RARS2: variants seen among roughly 807,000 people sequenced by gnomAD.
The protein encoded by RARS2 is arginyl-tRNA synthetase 2, mitochondrial.
Under a neutral mutation model 88.5 loss-of-function variants are expected in RARS2, and 67 were observed. That is an observed-to-expected ratio of 0.76 (90% CI 0.62 to 0.93). The LOEUF is 0.93. RARS2 is among the 40% of genes least tolerant of loss of function. The pLI, the probability that RARS2 is intolerant of heterozygous loss-of-function variation, is 0.00. For synonymous variants in RARS2, 239 were observed against 230.3 expected, an observed-to-expected ratio of 1.04 and a Z score of -0.34; for missense variants, 664 against 684.2, an observed-to-expected ratio of 0.97 and a Z score of 0.33.
intron 5 of RARS2, among the ~76,000 whole-genome samples, chr6:87,554,293 G>A (rs1235267315): frequency 6.6e-6 from 1 of 151,912 alleles, no homozygotes. Flanking sequence ...TTTCTCTCTT[G>A]GTTACCTCTA....
At chr6:87,519,036 T>C in intron 14 of RARS2, 145 bp from the exon 15 acceptor site, 1 of 797,996 alleles carries the variant, frequency 1.3e-6, no homozygotes, top group Admixed American at 2.0e-5. Flanking sequence ...TTTAGGCTAT[T>C]TTACCTTTGA....
intron 3 of RARS2, among the ~76,000 whole-genome samples, chr6:87,563,245 A>G (rs971396410): frequency 1.3e-5 from 2 of 152,212 alleles, no homozygotes; most frequent in African/African-American, 2.4e-5. Flanking sequence ...TTTTTAACCT[A>G]TTAGATGTTC....
intron 5 of RARS2, among the ~76,000 whole-genome samples, chr6:87,555,176 ATTG>A (rs1785486831): frequency 6.6e-6 from 1 of 151,848 alleles, no homozygotes; most frequent in South Asian, 2.1e-4. Flanking sequence ...CAAAAAAGTA[ATTG>A]TTAATACTTA....
rs765455239 is a variant in RARS2, at chr6:87,527,081, C to A, written c.879-2429G>T. Among the ~76,000 whole-genome samples, 3 of 151,998 alleles carry A rather than the reference C, an allele frequency of 2.0e-5. No homozygotes were observed. The East Asian group carries it at 5.9e-4, about 30-fold the overall frequency. On this transcript the variant is annotated intron_variant, in intron 10 of 19. Transcript: ENST00000369536. ...ATCCTAGCACTTTGGGAGGCCAAAG[C>A]GGGTAGATCAGGAGGTCAGGAGATT... is the stretch of plus-strand genomic sequence containing the variant.
chr6:87,563,552 T>C (rs1788521549), intron 3 of RARS2, among the ~76,000 whole-genome samples: 1 of 152,230 alleles, frequency 6.6e-6, no homozygotes, highest in Non-Finnish European at 1.5e-5. Context: ...TGTGGATGTA[T>C]GTTAATAACC....
chr6:87,542,347 T>A (rs143132222), intron 7 of RARS2, among the ~76,000 whole-genome samples: 300 of 152,302 alleles, frequency 2.0e-3, no homozygotes, highest in African/African-American at 7.0e-3. Flanking sequence ...GCATCTACTC[T>A]GTTGAAGTGA....
At chr6:87,555,075 G>A (rs1785416308) in intron 5 of RARS2, among the ~76,000 whole-genome samples, 1 of 149,146 alleles carries the variant, frequency 6.7e-6, no homozygotes, top group Admixed American at 6.8e-5. Context: ...CTCCAGCCTG[G>A]GCGACAGAGT....
intron 8 of RARS2, among the ~76,000 whole-genome samples, chr6:87,541,683 TTA>T (rs1781012477): frequency 2.0e-5 from 3 of 151,872 alleles, no homozygotes; most frequent in African/African-American, 7.3e-5. Context: ...AATTAGCTGG[TTA>T]TGGTGGCATA....
At chr6:87,583,585 G>A (rs577745179) in intron 1 of RARS2, among the ~76,000 whole-genome samples, 5 of 120,778 alleles carry the variant, frequency 4.1e-5, no homozygotes, top group South Asian at 2.8e-4. Flanking sequence ...ACAAAACTGC[G>A]TCTCAAAAAA....
At chr6:87,584,839 C>G in intron 1 of RARS2, 1 of 349,462 alleles carries the variant, frequency 2.9e-6, no homozygotes, top group Non-Finnish European at 5.6e-6. Context: ...TGGTATATAC[C>G]ATAGAGAAGG....
intron 5 of RARS2, among the ~76,000 whole-genome samples, chr6:87,550,368 G>A (rs956109094): frequency 6.6e-6 from 1 of 152,128 alleles, no homozygotes; most frequent in Non-Finnish European, 1.5e-5. Flanking sequence ...TAGTACATTT[G>A]TTGGATGTAG....
At chr6:87,562,608 A>T in intron 4 of RARS2, 94 bp downstream of exon 4, 1 of 903,898 alleles carries the variant, frequency 1.1e-6, no homozygotes, top group South Asian at 1.4e-5. Context: ...TTGAGGCCAG[A>T]GGAGGCATAA....
At chr6:87,525,146 T>G (rs1427004303) in intron 10 of RARS2, among the ~76,000 whole-genome samples, 1 of 152,216 alleles carries the variant, frequency 6.6e-6, no homozygotes, top group African/African-American at 2.4e-5. Context: ...AGGATGCTAT[T>G]AACTATGTTT....
chr6:87,515,288 G>A (rs1279035763), intron 18 of RARS2, among the ~76,000 whole-genome samples: 4 of 152,258 alleles, frequency 2.6e-5, no homozygotes, highest in African/African-American at 4.8e-5. Flanking sequence ...TTGGGAGGCC[G>A]AGGCGGGTGG....
intron 14 of RARS2, 59 bp from the exon 15 acceptor site, chr6:87,518,950 C>T: frequency 1.3e-6 from 2 of 1,537,906 alleles, no homozygotes; most frequent in Non-Finnish European, 1.8e-6. Context: ...ATCATGGATC[C>T]AAGTGAAGGT....
At chr6:87,583,926 A>G (rs781238700) in intron 1 of RARS2, among the ~76,000 whole-genome samples, 30 of 152,208 alleles carry the variant, frequency 2.0e-4, no homozygotes, top group Non-Finnish European at 3.7e-4. Flanking sequence ...AGTACTGTAC[A>G]TTGTATGTGT....
chr6:87,531,029 G>C, intron 8 of RARS2, 87 bp from the exon 9 acceptor site: 1 of 1,575,542 alleles, frequency 6.3e-7, no homozygotes, highest in Non-Finnish European at 8.6e-7. Context: ...AGCACATTCT[G>C]AGAATTCTCA....
rs112170203 is a variant in RARS2 at position 87,520,392 on chromosome 6, A to G, written c.1036-136T>C. 1.4e-3 allele frequency: 976 copies of G among 697,364 alleles called. 14 individuals are homozygous for G. In the African/African-American group the frequency reaches 0.015, roughly 11 times the overall value. The allele number at this position is 697,364 out of a possible 1,614,324, so 43.2% of individuals were successfully genotyped here. ...CAATTGATATGTTTTAACTAAACAC[A>G]AAGAGGATGCCACAAGAAGAGTGTC... On this transcript the variant is annotated intron_variant, in intron 12 of 19. Transcript: ENST00000369536.
At position 87,516,837 on chromosome 6, in the gene RARS2, T is replaced by C. The variant is rs375989272; in HGVS notation, c.1555A>G (p.Arg519Gly). The C allele has an allele frequency of 3.1e-6, 5 of 1,613,778 alleles. No individual in the cohort carries two copies. The Admixed American group carries it at 5.0e-5, about 16-fold the overall frequency. The change falls in exon 18 of 20, where the codon AGG becomes GGG. Residue 519 changes from arginine to glycine, a missense_variant. Physicochemically the swap from Arg to Gly is moderately radical, Grantham distance 125. Transcript: ENST00000369536. Reference sequence around the variant, plus strand: ...GTTAGAAGGTAACTGACGATATGCCTGGGTTGAAAGTCCTGAGATGATTTA... The same window carrying C: ...GTTAGAAGGTAACTGACGATATGCCCGGGTTGAAAGTCCTGAGATGATTTA... Reference protein sequence around the residue: ...LYKSSQDFQPRHIVSYLLTLS... With the variant: ...LYKSSQDFQPGHIVSYLLTLS...
Sources: gnomAD v4.1 joint callset for allele counts (sites outside exome capture counted in the v4.1 genomes callset) on GRCh38, gnomAD v4.1.1 for gene constraint, MANE v1.5 for transcripts, NCBI Gene and HGNC (gene_info 2026-07-23, HGNC 2026-07-21) for gene names.